ZRANB2: variants seen among roughly 807,000 people sequenced by gnomAD.
ZRANB2 encodes zinc finger Ran-binding domain-containing protein 2.
ZRANB2 carries 19 observed loss-of-function variants against 53.4 expected under a neutral mutation model. That is an observed-to-expected ratio of 0.36 (90% CI 0.25 to 0.52). The LOEUF (loss-of-function observed/expected upper bound fraction) is 0.52. Ranked by LOEUF, ZRANB2 falls within the 20% of genes least tolerant of loss-of-function variation. The probability of loss-of-function intolerance (pLI) is 0.93; values close to 1 mark genes in which losing one functional copy is unlikely to be tolerated. For synonymous variants in ZRANB2, 145 were observed against 134.8 expected (o/e 1.08, Z -0.52); for missense variants, 309 against 401.1 (o/e 0.77, Z 1.96).
At chr1:71,067,419 A>G (rs1479879411) in intron 8 of ZRANB2, 1 of 250,086 alleles carries the variant, frequency 4.0e-6, no homozygotes, top group Admixed American at 5.8e-5. Flanking sequence ...CACAGCAACA[A>G]AAGACTAGTA....
rs1661347097 is a variant in ZRANB2, at chr1:71,063,308, CTAGTT to C, written c.*1761_*1765del. 1 of 152,268 alleles carries C rather than the reference CTAGTT, an allele frequency of 6.6e-6. No homozygotes were observed. The highest frequency in any genetic ancestry group is 1.5e-5 in the Non-Finnish European group (1 of 67,920). 9.4% of individuals were successfully genotyped at this position (152,268 alleles called of 1,614,324 possible). On this transcript the variant is annotated 3_prime_UTR_variant, in exon 10 of 10. Coordinates refer to ENST00000370920, the MANE Select transcript of ZRANB2 (RefSeq NM_203350.3). Reference sequence around the variant, plus strand: ...ACATTAGATCAGAGTTTAAAAATCTCTAGTTTATTTCTAACAAACACCACTTGATG... The same window carrying C: ...ACATTAGATCAGAGTTTAAAAATCTCTATTTCTAACAAACACCACTTGATG...
In ZRANB2 at chr1:71,064,447, T is replaced by C. The variant is rs1306711657; in HGVS notation, c.*627A>G. On this transcript the variant is annotated 3_prime_UTR_variant, in exon 10 of 10. Coordinates refer to ENST00000370920, the MANE Select transcript of ZRANB2 (RefSeq NM_203350.3). ...AAATTATGTGTCAGAAAGGAAAATA[T>C]ATCCCACTTCTCTCCTTGTAGACAT... The C allele has an allele frequency of 6.6e-6, 1 of 152,464 alleles. No homozygotes were observed. The highest frequency in any genetic ancestry group is 1.9e-4 in the East Asian group (1 of 5,206). The allele number at this position is 152,464 out of a possible 1,614,324, so 9.4% of individuals were successfully genotyped here. A position where few individuals can be genotyped will look rare whatever the true frequency, so the allele number is the denominator to read the frequency against.
In ZRANB2 at chr1:71,069,340, T is replaced by G. The variant is rs1411156053; in HGVS notation, c.706A>C (p.Ser236Arg). The G allele has an allele frequency of 5.0e-6, 8 of 1,613,086 alleles. No homozygotes were observed. The highest frequency in any genetic ancestry group is 6.8e-6 in the Non-Finnish European group (8 of 1,179,502). The change falls in exon 8 of 10, where the codon AGT becomes CGT. Residue 236 changes from serine to arginine, a missense_variant. By Grantham distance (110) the Ser-to-Arg change is moderately radical (BLOSUM62 -1). Around this residue, in one of 3 missense-constraint regions of ZRANB2, gnomAD observed 211 missense variants for 196.1 expected, o/e 1.08. Transcript: ENST00000370920. ...RSRSRSRSSS[S>R]SQSRSRSSSR... ...CTGGAACGAGATCTTGACTGCGAAC[T>G]GGAAGAACTTCTTGAACGGGACCTG...
At chr1:71,068,718 G>A (rs1240521245) in intron 8 of ZRANB2, among the ~76,000 whole-genome samples, 1 of 151,788 alleles carries the variant, frequency 6.6e-6, no homozygotes, top group Non-Finnish European at 1.5e-5. Flanking sequence ...TTTTGAGGCA[G>A]GGTTATTTTT....
At chr1:71,077,183 T>G (rs2101051241) in intron 3 of ZRANB2, among the ~76,000 whole-genome samples, 1 of 152,096 alleles carries the variant, frequency 6.6e-6, no homozygotes, top group East Asian at 1.9e-4. Flanking sequence ...AAATCCAAAA[T>G]CCAAAAACGT....
intron 6 of ZRANB2, among the ~76,000 whole-genome samples, chr1:71,071,386 G>GTA (rs1021984621): frequency 7.9e-5 from 12 of 152,100 alleles, no homozygotes; most frequent in African/African-American, 2.9e-4. Flanking sequence ...TGCCTCTCTA[G>GTA]TATCTCAATA....
At position 71,076,657 on chromosome 1, in the gene ZRANB2, A is replaced by G. The variant is rs553206150; in HGVS notation, c.301+138T>C. The G allele has an allele frequency of 1.5e-3, 1,044 of 686,242 alleles. 3 individuals are homozygous for G. The highest frequency in any genetic ancestry group is 2.8e-3 in the Middle Eastern group (7 of 2,488). 42.5% of individuals were successfully genotyped at this position (686,242 alleles called of 1,614,324 possible). On this transcript the variant is annotated intron_variant, in intron 4 of 9. Coordinates refer to ENST00000370920, the MANE Select transcript of ZRANB2 (RefSeq NM_203350.3). Reference sequence around the variant, plus strand: ...TGTATGTGTGTATGGGGGGAAAAAAATCCCAGTAACAAACATTCAGGGCAG... The same window carrying G: ...TGTATGTGTGTATGGGGGGAAAAAAGTCCCAGTAACAAACATTCAGGGCAG...
chr1:71,073,428 C>T (rs1163601789), intron 4 of ZRANB2, among the ~76,000 whole-genome samples: 1 of 151,784 alleles, frequency 6.6e-6, no homozygotes, highest in Non-Finnish European at 1.5e-5. Context: ...TTAGGGACTT[C>T]ATTCATCAGC....
chr1:71,068,399 G>A (rs1183225267), intron 8 of ZRANB2, among the ~76,000 whole-genome samples: 1 of 152,086 alleles, frequency 6.6e-6, no homozygotes, highest in African/African-American at 2.4e-5. Context: ...AAAACAAAGA[G>A]AGCATATTTT....
Position 71,064,960 on chromosome 1 carries a change from G to A in ZRANB2, c.*114C>T, listed in dbSNP as rs1661387006. 2 of 595,208 alleles carry A rather than the reference G, an allele frequency of 3.4e-6. No individual in the cohort carries two copies. The highest frequency in any genetic ancestry group is 3.1e-5 in the Admixed American group (1 of 31,900). The allele number at this position is 595,208 out of a possible 1,614,324, so 36.9% of individuals were successfully genotyped here. A position where few individuals can be genotyped will look rare whatever the true frequency, so the allele number is the denominator to read the frequency against. Reference sequence around the variant, plus strand: ...TGTATTGTTTTGAAAAGCAATGAAAGGCATGCACCTCTACTAGCAGATTTA... The same window carrying A: ...TGTATTGTTTTGAAAAGCAATGAAAAGCATGCACCTCTACTAGCAGATTTA... On this transcript the variant is annotated 3_prime_UTR_variant, in exon 10 of 10. Transcript: ENST00000370920.
chr1:71,078,221 A>G (rs1364552711), intron 3 of ZRANB2, among the ~76,000 whole-genome samples: 1 of 152,188 alleles, frequency 6.6e-6, no homozygotes, highest in Non-Finnish European at 1.5e-5. Flanking sequence ...TACCATAAGC[A>G]TTTGTTTACT....
At chr1:71,080,571 A>G (rs895680357) in intron 1 of ZRANB2, among the ~76,000 whole-genome samples, 1 of 149,334 alleles carries the variant, frequency 6.7e-6, no homozygotes, top group Non-Finnish European at 1.5e-5. Flanking sequence ...AGTTCTGCAG[A>G]GAAAAGTCAC....
At chr1:71,065,594 T>C (rs1404119823) in intron 9 of ZRANB2, 13 of 1,482,330 alleles carry the variant, frequency 8.8e-6, no homozygotes, top group Non-Finnish European at 1.1e-5. Flanking sequence ...AAATAAGTTT[T>C]GGAAATCTAG....
chr1:71,071,073 C>T (rs888595559), intron 6 of ZRANB2, 77 bp from the exon 7 acceptor site: 16 of 1,276,554 alleles, frequency 1.3e-5, no homozygotes, highest in Non-Finnish European at 1.6e-5. Flanking sequence ...GTTAGGTGTA[C>T]TGAGCACCTC....
At chr1:71,079,004 C>T (rs571109226) in intron 1 of ZRANB2, among the ~76,000 whole-genome samples, 49 of 152,224 alleles carry the variant, frequency 3.2e-4, no homozygotes, top group Middle Eastern at 3.4e-3. Flanking sequence ...GTTATAATCC[C>T]TTTACAAAGT....
intron 1 of ZRANB2, among the ~76,000 whole-genome samples, chr1:71,079,116 G>A (rs1661776533): frequency 6.6e-6 from 1 of 151,938 alleles, no homozygotes; most frequent in Admixed American, 6.5e-5. Context: ...ATAAATCAAG[G>A]AGGGCTTCAT....
In ZRANB2 at chr1:71,078,405, G is replaced by T. The variant is rs1661759849; in HGVS notation, c.218+52C>A. 3.4e-6 allele frequency: 5 copies of T among 1,483,802 alleles called. No individual in the cohort carries two copies. In the Admixed American group the frequency reaches 5.2e-5, roughly 15 times the overall value. The allele number at this position is 1,483,802 out of a possible 1,614,324, so 91.9% of individuals were successfully genotyped here. A position where few individuals can be genotyped will look rare whatever the true frequency, so the allele number is the denominator to read the frequency against. On this transcript the variant is annotated intron_variant, in intron 3 of 9. Transcript: ENST00000370920. The stretch of plus-strand genomic sequence containing the variant: ...AGAGCTGTAATATAAACAAGTAGTG[G>T]CCAGATCTATTATTTTGGAAGAAAG...
intron 3 of ZRANB2, 44 bp downstream of exon 3, chr1:71,078,413 T>C: frequency 6.5e-7 from 1 of 1,533,624 alleles, no homozygotes; most frequent in Non-Finnish European, 9.0e-7. Context: ...TGGCCAGATC[T>C]ATTATTTTGG....
At position 71,067,751 on chromosome 1, in the gene ZRANB2, T is replaced by TAA. The variant is rs757465110; in HGVS notation, c.771-818_771-817insTT. 3 of 395,392 alleles carry TAA rather than the reference T, an allele frequency of 7.6e-6. No homozygotes were observed. In the East Asian group the frequency reaches 3.6e-4, roughly 47 times the overall value. The allele number at this position is 395,392 out of a possible 1,614,324, so 24.5% of individuals were successfully genotyped here. A position where few individuals can be genotyped will look rare whatever the true frequency, so the allele number is the denominator to read the frequency against. On this transcript the variant is annotated intron_variant, in intron 8 of 9. Coordinates refer to ENST00000370920, the MANE Select transcript of ZRANB2 (RefSeq NM_203350.3). ...TGTTTGGGAAGAATATGATGGGTGTTCTGTAAACCTTAATTATAATGGTTC... is the reference window on the plus strand; with the variant it reads ...TGTTTGGGAAGAATATGATGGGTGTTAACTGTAAACCTTAATTATAATGGTTC...
Sources: gnomAD v4.1 joint callset for allele counts (sites outside exome capture counted in the v4.1 genomes callset) on GRCh38, gnomAD v4.1.1 for gene constraint, gnomAD v4.1.1 regional missense constraint, MANE v1.5 for transcripts, NCBI Gene and HGNC (gene_info 2026-07-23, HGNC 2026-07-21) for gene names.